The following DGKI variants were observed in gnomAD, a reference collection of about 807,000 sequenced individuals.
The protein encoded by DGKI is DAG kinase iota.
DGKI carries 55 observed loss-of-function variants against 147.5 expected under a neutral mutation model. The observed-to-expected ratio is 0.37, with a 90% CI of 0.30 to 0.47. DGKI has a LOEUF of 0.47. DGKI is among the 20% of genes least tolerant of loss of function. DGKI has a pLI of 1.00. For missense variants in DGKI, 1,007 were observed against 1,323.8 expected, an observed-to-expected ratio of 0.76 and a Z score of 3.71; for synonymous variants, 469 against 477.1, an observed-to-expected ratio of 0.98 and a Z score of 0.22.
rs1563039834 is a variant in DGKI, at chr7:137,472,228, CATATAATATATGTATATAT to C, written c.2374-2628_2374-2610del. 3.2e-3 allele frequency among the ~76,000 whole-genome samples: 330 copies of C among 103,758 alleles called. 2 individuals are homozygous for C. The highest frequency in any genetic ancestry group is 0.012 in the African/African-American group (312 of 24,986). 68.1% of individuals were successfully genotyped at this position (103,758 alleles called of 152,430 possible). A position where few individuals can be genotyped will look rare whatever the true frequency, so the allele number is the denominator to read the frequency against. ...ACATACACATATATATGTATATATA[CATATAATATATGTATATAT>C]ACACATAATATTATATGTATATATA... On this transcript the variant is annotated intron_variant, in intron 23 of 32. Transcript: ENST00000614521.
chr7:137,395,628 T>C lies in DGKI; in HGVS notation c.3027A>G (p.Ala1009=). 6.2e-7 allele frequency: 1 copy of C among 1,614,164 alleles called. No homozygotes were observed. The highest frequency in any genetic ancestry group is 8.5e-7 in the Non-Finnish European group (1 of 1,179,980). Residue 1009 remains alanine, a synonymous_variant, in exon 32 of 33, where the codon GCA becomes GCG. Transcript: ENST00000614521. The stretch of plus-strand genomic sequence containing the variant: ...AGTCCGTCTTTCTCAGAGATGCTCC[T>C]GCATCCACCAGAAGCTGGCACACAG... ...NRAVCQLLVD[A]GASLRKTDSK... is the part of the protein sequence containing the mutation.
intron 1 of DGKI, among the ~76,000 whole-genome samples, chr7:137,742,124 G>A (rs1795189623): frequency 6.6e-6 from 1 of 152,104 alleles, no homozygotes; most frequent in Non-Finnish European, 1.5e-5. Context: ...GATTTATAGT[G>A]TACCTTCTTC....
At chr7:137,557,550 T>C (rs1474123235) in intron 19 of DGKI, among the ~76,000 whole-genome samples, 1 of 152,182 alleles carries the variant, frequency 6.6e-6, no homozygotes, top group African/African-American at 2.4e-5. Flanking sequence ...CCTCACGTCA[T>C]ACACAAAGGA....
chr7:137,491,888 GC>G (rs1815776109), intron 21 of DGKI, among the ~76,000 whole-genome samples: 1 of 152,220 alleles, frequency 6.6e-6, no homozygotes, highest in Non-Finnish European at 1.5e-5. Context: ...GATCCTAGAA[GC>G]AGGTCTGGAG....
At chr7:137,550,003 T>G (rs775873205) in intron 20 of DGKI, among the ~76,000 whole-genome samples, 29 of 152,186 alleles carry the variant, frequency 1.9e-4, no homozygotes, top group Non-Finnish European at 2.9e-4. Context: ...AAGATTTTTG[T>G]TATCTTTAAG....
chr7:137,827,816 G>A (rs1798104044), intron 1 of DGKI, among the ~76,000 whole-genome samples: 1 of 152,190 alleles, frequency 6.6e-6, no homozygotes, highest in Non-Finnish European at 1.5e-5. Flanking sequence ...AGCTTTTCAG[G>A]AGAGATTAGA....
intron 27 of DGKI, among the ~76,000 whole-genome samples, chr7:137,462,866 T>A (rs1313000995): frequency 6.6e-6 from 1 of 152,114 alleles, no homozygotes; most frequent in Non-Finnish European, 1.5e-5. Flanking sequence ...CACAAAGGTA[T>A]CGACACTGCT....
In DGKI at chr7:137,758,413, C is replaced by T. The variant is rs112347353; in HGVS notation, c.402-68411G>A. On this transcript the variant is annotated intron_variant, in intron 1 of 32. Coordinates refer to ENST00000614521, the MANE Select transcript of DGKI (RefSeq NM_001321708.2). Reference sequence around the variant, plus strand: ...AAAAACATATCTCAGAGGCCATGTGCGGTGGCTTACACCTGTAATCCCAGC... The same window carrying T: ...AAAAACATATCTCAGAGGCCATGTGTGGTGGCTTACACCTGTAATCCCAGC... Among the ~76,000 whole-genome samples, 419 of 152,206 alleles carry T rather than the reference C, an allele frequency of 2.8e-3. 3 individuals are homozygous for T. Among genetic ancestry groups the T allele is most frequent in the African/African-American group, 9.5e-3 (394 of 41,544 alleles).
chr7:137,815,562 A>T (rs1040781591), intron 1 of DGKI, among the ~76,000 whole-genome samples: 1 of 152,190 alleles, frequency 6.6e-6, no homozygotes, highest in African/African-American at 2.4e-5. Flanking sequence ...CACATATTCA[A>T]CATCATCTAT....
intron 1 of DGKI, among the ~76,000 whole-genome samples, chr7:137,845,928 A>G (rs1040402274): frequency 2.0e-5 from 3 of 152,074 alleles, no homozygotes; most frequent in Admixed American, 6.6e-5. Flanking sequence ...TCCAACTTCC[A>G]TAAGGATTTC....
At chr7:137,778,589 C>T (rs55764208) in intron 1 of DGKI, among the ~76,000 whole-genome samples, 3 of 151,510 alleles carry the variant, frequency 2.0e-5, no homozygotes, top group Non-Finnish European at 4.4e-5. Flanking sequence ...ATTTTTAGAT[C>T]TGGACAATTA....
chr7:137,497,104 T>C (rs1488548212), intron 21 of DGKI, among the ~76,000 whole-genome samples: 1 of 139,792 alleles, frequency 7.2e-6, no homozygotes, highest in East Asian at 2.0e-4. Context: ...CTTAAACAAA[T>C]TTACAAAAAA....
chr7:137,596,001 C>CAAAAAAAAAAAAAAAAAAAAAAAAA (rs71177914), intron 12 of DGKI, among the ~76,000 whole-genome samples: 2 of 44,362 alleles, frequency 4.5e-5, no homozygotes, highest in African/African-American at 1.7e-4. Context: ...GACTCCGTCT[C>CAAAAAAAAAAAAAAAAAAAAAAAAA]AAAAAAAAAA....
intron 7 of DGKI, 103 bp from the exon 8 acceptor site, chr7:137,620,043 A>ACG (rs1218605449): frequency 1.4e-5 from 11 of 759,060 alleles, no homozygotes; most frequent in Non-Finnish European, 2.5e-5. Context: ...ACACACACAC[A>ACG]CACACACACA....
intron 5 of DGKI, among the ~76,000 whole-genome samples, chr7:137,651,384 G>A (rs1054379803): frequency 6.6e-6 from 1 of 152,174 alleles, no homozygotes; most frequent in Non-Finnish European, 1.5e-5. Flanking sequence ...GATGTGGGGA[G>A]TCTATGAGAG....
chr7:137,696,595 C>T (rs1251586054), intron 1 of DGKI, among the ~76,000 whole-genome samples: 1 of 151,766 alleles, frequency 6.6e-6, no homozygotes, highest in Non-Finnish European at 1.5e-5. Flanking sequence ...ACGGGCTTGG[C>T]GTGGGATGTG....
chr7:137,455,871 A>C (rs1421945698), intron 27 of DGKI, among the ~76,000 whole-genome samples: 4 of 152,282 alleles, frequency 2.6e-5, no homozygotes, highest in African/African-American at 9.6e-5. Context: ...ATGGTAAGTG[A>C]TTACTGCTCC....
chr7:137,503,492 A>G (rs1252348777), intron 21 of DGKI, among the ~76,000 whole-genome samples: 9 of 152,168 alleles, frequency 5.9e-5, no homozygotes, highest in African/African-American at 2.2e-4. Context: ...GGCACAAGCT[A>G]TTCAAAGGTG....
intron 2 of DGKI, among the ~76,000 whole-genome samples, chr7:137,683,869 T>C (rs1823326328): frequency 6.6e-6 from 1 of 152,118 alleles, no homozygotes; most frequent in South Asian, 2.1e-4. Context: ...TAGACATAAA[T>C]ACAGATTTCT....
Sources: allele counts gnomAD v4.1 joint callset (sites outside exome capture counted in the v4.1 genomes callset), GRCh38; gene constraint gnomAD v4.1.1; transcripts MANE v1.5; gene names NCBI Gene and HGNC (gene_info 2026-07-23, HGNC 2026-07-21).